Variants in WWOX observed in about 807,000 individuals in gnomAD.
WWOX encodes WW domain-containing oxidoreductase.
Under a neutral mutation model 46.2 loss-of-function variants are expected in WWOX, and 69 were observed. The ratio of observed to expected loss-of-function variants is 1.49; its 90% CI spans 1.23 to 1.82. WWOX has a LOEUF of 1.82. Ranked by LOEUF, WWOX falls within the 40% of genes most tolerant of loss-of-function variation. The pLI, the probability that WWOX is intolerant of heterozygous loss-of-function variation, is 0.00. For missense variants in WWOX, 919 were observed against 542.6 expected (o/e 1.69, Z -6.89); for synonymous variants, 359 against 202.6 (o/e 1.77, Z -6.56).
chr16:78,848,424 T>G (rs538371336), intron 8 of WWOX, among the ~76,000 whole-genome samples: 3 of 152,304 alleles, frequency 2.0e-5, no homozygotes, highest in Non-Finnish European at 4.4e-5. Flanking sequence ...AAAGAACCAC[T>G]GTTAAAATGT....
intron 8 of WWOX, among the ~76,000 whole-genome samples, chr16:78,732,897 G>T (rs374815393): frequency 6.6e-6 from 1 of 152,168 alleles, no homozygotes. Context: ...AATAAGCGCT[G>T]TGTTTCGCAA....
At chr16:78,805,124 A>G (rs569707713) in intron 8 of WWOX, among the ~76,000 whole-genome samples, 45 of 149,136 alleles carry the variant, frequency 3.0e-4, no homozygotes, top group African/African-American at 1.1e-3. Context: ...CCAAAATATC[A>G]AAATTTAAGG....
intron 4 of WWOX, among the ~76,000 whole-genome samples, chr16:78,153,049 T>C (rs1055273688): frequency 2.0e-5 from 3 of 152,354 alleles, no homozygotes; most frequent in Middle Eastern, 3.4e-3. Context: ...GAGACCTGTG[T>C]AGTTTTGTAA....
chr16:78,486,645 G>A (rs1363450659), intron 8 of WWOX, among the ~76,000 whole-genome samples: 3 of 151,968 alleles, frequency 2.0e-5, no homozygotes, highest in Non-Finnish European at 2.9e-5. Context: ...TGTGATCTCC[G>A]CTCACTGCAG....
At chr16:78,691,264 G>T (rs1372711648) in intron 8 of WWOX, 1 of 702,182 alleles carries the variant, frequency 1.4e-6, no homozygotes, top group East Asian at 2.7e-5. Context: ...CTGGTAGAAG[G>T]AGGTCACTTC....
At chr16:78,511,080 T>C (rs2085349343) in intron 8 of WWOX, among the ~76,000 whole-genome samples, 1 of 152,230 alleles carries the variant, frequency 6.6e-6, no homozygotes, top group Non-Finnish European at 1.5e-5. Flanking sequence ...CCAGGGTGTT[T>C]TCAGAGAGCA....
intron 8 of WWOX, among the ~76,000 whole-genome samples, chr16:78,703,071 C>A (rs906239155): frequency 5.3e-5 from 8 of 152,096 alleles, no homozygotes; most frequent in African/African-American, 1.9e-4. Flanking sequence ...GAAGGCTCCT[C>A]CGATGATGGG....
At chr16:78,468,198 T>C (rs2084127854) in intron 8 of WWOX, among the ~76,000 whole-genome samples, 1 of 152,086 alleles carries the variant, frequency 6.6e-6, no homozygotes, top group Non-Finnish European at 1.5e-5. Context: ...AGTTCTCTGC[T>C]CAGCTTCTCT....
intron 8 of WWOX, among the ~76,000 whole-genome samples, chr16:78,703,180 C>T (rs1049599242): frequency 1.3e-5 from 2 of 151,632 alleles, no homozygotes; most frequent in Admixed American, 1.3e-4. Context: ...GATGTTCCTT[C>T]TCTTCTCCGC....
chr16:78,298,456 T>C (rs2079979038), intron 5 of WWOX, among the ~76,000 whole-genome samples: 5 of 152,116 alleles, frequency 3.3e-5, no homozygotes, highest in Admixed American at 3.3e-4. Flanking sequence ...GTTTGCTTAA[T>C]CCTTATGAGT....
intron 5 of WWOX, among the ~76,000 whole-genome samples, chr16:78,248,641 C>G (rs192198989): frequency 6.6e-6 from 1 of 152,082 alleles, no homozygotes; most frequent in African/African-American, 2.4e-5. Context: ...GAGGCTGAGG[C>G]AGGAGAATTG....
intron 8 of WWOX, among the ~76,000 whole-genome samples, chr16:79,075,788 A>T (rs75009965): frequency 0.041 from 6,220 of 152,208 alleles, 240 homozygotes; most frequent in African/African-American, 0.097. Context: ...GAAGCAAGAG[A>T]GGTTTACATA....
At chr16:78,230,763 G>A (rs907868273) in intron 5 of WWOX, among the ~76,000 whole-genome samples, 4 of 152,222 alleles carry the variant, frequency 2.6e-5, no homozygotes, top group African/African-American at 9.6e-5. Context: ...TGATCTGGAA[G>A]ATAAAGCAGC....
chr16:79,104,355 T>C (rs769253397), intron 8 of WWOX, among the ~76,000 whole-genome samples: 10 of 152,116 alleles, frequency 6.6e-5, no homozygotes, highest in Non-Finnish European at 1.5e-4. Context: ...AAAATTACAA[T>C]GAAAACTCAT....
chr16:78,352,056 G>C (rs2081196292), intron 5 of WWOX, among the ~76,000 whole-genome samples: 1 of 152,170 alleles, frequency 6.6e-6, no homozygotes, highest in African/African-American at 2.4e-5. Flanking sequence ...CGAGACAGTA[G>C]AGAGTGGTGG....
Position 78,424,993 on chromosome 16 carries a change from C to A in WWOX, c.729C>A (p.Leu243=). 1 of 1,614,158 alleles carries A rather than the reference C, an allele frequency of 6.2e-7. No individual in the cohort carries two copies. Among genetic ancestry groups the A allele is most frequent in the Non-Finnish European group, 8.5e-7 (1 of 1,180,026 alleles). ...GGCACTTCTACCTTGTCCAGCTCCT[C>A]CAGGATGTTTTGTGCCGCTCAGCTC... The part of the protein sequence containing the change: ...HLGHFYLVQL[L]QDVLCRSAPA... Residue 243 remains leucine (L), a synonymous_variant, in exon 7 of 9, where the codon CTC becomes CTA. Transcript: ENST00000566780.
chr16:79,061,942 G>A (rs963287001), intron 8 of WWOX, among the ~76,000 whole-genome samples: 3 of 152,190 alleles, frequency 2.0e-5, no homozygotes, highest in African/African-American at 7.2e-5. Context: ...GGGAAAGTGG[G>A]ACTTCAGACG....
At chr16:79,074,326 A>C (rs1356161956) in intron 8 of WWOX, among the ~76,000 whole-genome samples, 1 of 150,900 alleles carries the variant, frequency 6.6e-6, no homozygotes, top group Admixed American at 6.6e-5. Context: ...CACACTTTAA[A>C]TGAGAGAAGT....
intron 8 of WWOX, among the ~76,000 whole-genome samples, chr16:78,470,046 A>T (rs554540040): frequency 6.6e-6 from 1 of 152,362 alleles, no homozygotes; most frequent in African/African-American, 2.4e-5. Flanking sequence ...TTTCTTGTTT[A>T]TGTAAGATCC....
Sources: gnomAD v4.1 joint callset for allele counts (sites outside exome capture counted in the v4.1 genomes callset) on GRCh38, gnomAD v4.1.1 for gene constraint, MANE v1.5 for transcripts, NCBI Gene and HGNC (gene_info 2026-07-23, HGNC 2026-07-21) for gene names.